C2CD2: variants seen among roughly 807,000 people sequenced by gnomAD.
C2CD2 encodes the protein C2 domain-containing protein 2.
A neutral mutation model predicts 74.3 loss-of-function variants in C2CD2; 43 were observed. The observed-to-expected ratio is 0.58, with a 90% CI of 0.45 to 0.75. The LOEUF is 0.75. Ranked by LOEUF, C2CD2 falls within the 30% of genes least tolerant of loss-of-function variation. The probability of loss-of-function intolerance (pLI) is 0.00; values close to 1 mark genes in which losing one functional copy is unlikely to be tolerated. For synonymous variants in C2CD2, 422 were observed against 390.7 expected (o/e 1.08, Z -0.94); for missense variants, 801 against 916.3 (o/e 0.87, Z 1.63).
chr21:41,907,292 T>G, intron 9 of C2CD2, 126 bp from the exon 10 acceptor site: 2 of 772,302 alleles, frequency 2.6e-6, no homozygotes, highest in South Asian at 3.4e-5. Flanking sequence ...TCACTTAGCA[T>G]CTCCAATTAA....
At chr21:41,910,828 A>C (rs1462518729) in intron 7 of C2CD2, among the ~76,000 whole-genome samples, 1 of 152,192 alleles carries the variant, frequency 6.6e-6, no homozygotes, top group Non-Finnish European at 1.5e-5. Flanking sequence ...AGTTTTTAAA[A>C]TATTCATTTC....
Position 41,907,159 on chromosome 21 carries a change from T to A in C2CD2, c.1151A>T (p.Tyr384Phe). Residue 384 changes from tyrosine to phenylalanine, a missense_variant, in exon 10 of 14, where the codon TAC (tyrosine) becomes TTC (phenylalanine). Tyr to Phe is a conservative substitution (Grantham distance 22). Coordinates refer to ENST00000380486, the MANE Select transcript of C2CD2 (RefSeq NM_015500.2). The part of the protein sequence containing the change: ...VLGSVTAEFS[Y>F]MEPGELKSWP... ...GGATTTCAATTCACCAGGTTCCATG[T>A]AAGAGAACTGCAGAGAAGACGCGTT... The A allele has an allele frequency of 6.2e-7, 1 of 1,613,964 alleles. No homozygotes were observed. Among genetic ancestry groups the A allele is most frequent in the Non-Finnish European group, 8.5e-7 (1 of 1,179,822 alleles).
chr21:41,919,898 G>T (rs1466654053), intron 3 of C2CD2, among the ~76,000 whole-genome samples: 1 of 152,170 alleles, frequency 6.6e-6, no homozygotes, highest in Admixed American at 6.5e-5. Flanking sequence ...ATGACCCTGG[G>T]TCCTTCCGAA....
chr21:41,936,438 TA>T (rs1180124826), intron 2 of C2CD2, among the ~76,000 whole-genome samples: 1 of 152,150 alleles, frequency 6.6e-6, no homozygotes, highest in African/African-American at 2.4e-5. Context: ...ATATGAGCAA[TA>T]ACAAGTGCTG....
At chr21:41,907,859 G>A (rs919005534) in intron 8 of C2CD2, 75 bp from the exon 9 acceptor site, 24 of 1,523,876 alleles carry the variant, frequency 1.6e-5, no homozygotes, top group Admixed American at 3.4e-5. Context: ...AGGCCCACAC[G>A]CCCAGCAGCC....
At chr21:41,894,088 G>A (rs2064792011) in intron 13 of C2CD2, among the ~76,000 whole-genome samples, 1 of 152,224 alleles carries the variant, frequency 6.6e-6, no homozygotes, top group Non-Finnish European at 1.5e-5. Context: ...GAAATCGTTT[G>A]TGTGACTTGC....
intron 2 of C2CD2, among the ~76,000 whole-genome samples, chr21:41,938,612 G>T (rs2065328708): frequency 1.3e-5 from 2 of 152,054 alleles, no homozygotes; most frequent in Admixed American, 6.6e-5. Context: ...TCTGAATCAG[G>T]CTACTCTAGG....
chr21:41,905,937 G>A lies in C2CD2; in HGVS notation c.1319-100C>T. 4.0e-6 allele frequency: 3 copies of A among 744,654 alleles called. 1 individual carries two copies. In the South Asian group the frequency reaches 4.3e-5, roughly 11 times the overall value. 46.1% of individuals were successfully genotyped at this position (744,654 alleles called of 1,614,324 possible). On this transcript the variant is annotated intron_variant, in intron 10 of 13. Transcript: ENST00000380486. ...ACAGCCCTCACTGCAACTCTGGTGT[G>A]TGCAGTTGGTAAAGGCAAAGCTTAA...
intron 13 of C2CD2, among the ~76,000 whole-genome samples, chr21:41,893,833 C>T (rs1355975120): frequency 1.3e-5 from 2 of 151,844 alleles, no homozygotes; most frequent in Non-Finnish European, 2.9e-5. Context: ...TCCCAAGCAG[C>T]TGGGATTACA....
intron 1 of C2CD2, among the ~76,000 whole-genome samples, chr21:41,951,233 G>A (rs928257355): frequency 1.3e-5 from 2 of 152,176 alleles, no homozygotes; most frequent in African/African-American, 2.4e-5. Context: ...GACGGCTCAG[G>A]ATGCCGGGAG....
At chr21:41,917,576 C>A (rs992205884) in intron 5 of C2CD2, among the ~76,000 whole-genome samples, 1 of 152,134 alleles carries the variant, frequency 6.6e-6, no homozygotes, top group Non-Finnish European at 1.5e-5. Context: ...GTGAGTAGCG[C>A]CCTAATCAGA....
Position 41,931,397 on chromosome 21 carries a change from G to A in C2CD2, c.379-9312C>T, listed in dbSNP as rs372300548. Among the ~76,000 whole-genome samples, 153 of 148,756 alleles carry A rather than the reference G, an allele frequency of 1.0e-3. 9 individuals are homozygous for A. Among genetic ancestry groups the A allele is most frequent in the Non-Finnish European group, 1.2e-3 (82 of 66,474 alleles). Reference sequence around the variant, plus strand: ...TCTGAAAACCCTTGGAATCTCCCGAGAGATAAGAGCGTCTTTTGAGAAGAG... The same window carrying A: ...TCTGAAAACCCTTGGAATCTCCCGAAAGATAAGAGCGTCTTTTGAGAAGAG... On this transcript the variant is annotated intron_variant, in intron 2 of 13. Coordinates refer to ENST00000380486, the MANE Select transcript of C2CD2 (RefSeq NM_015500.2).
rs1209704803 is a variant in C2CD2, at chr21:41,926,407, G to A, written c.379-4322C>T. 5.1e-6 allele frequency: 5 copies of A among 983,156 alleles called. No homozygotes were observed. Among genetic ancestry groups the A allele is most frequent in the Non-Finnish European group, 3.6e-6 (3 of 828,042 alleles). 60.9% of individuals were successfully genotyped at this position (983,156 alleles called of 1,614,324 possible). A position where few individuals can be genotyped will look rare whatever the true frequency, so the allele number is the denominator to read the frequency against. On this transcript the variant is annotated intron_variant, in intron 2 of 13. Transcript: ENST00000380486. This position sits in a 1 kb window ranked among gnomAD's most constrained non-coding sequence, Gnocchi z 8.0. ...AAAGGCCAAGGGGGGACTCACGGTT[G>A]GCAGGTGAGGGTTTGGGTCGGGGAG...
In C2CD2 at chr21:41,917,902, C is replaced by A. The variant is rs375774092; in HGVS notation, c.720+203G>T. ...AGGGAAATGTCAGGTTTTCCTTCCA[C>A]TTCATGAAGCTTTGCAGCCCCATGC... On this transcript the variant is annotated intron_variant, in intron 5 of 13. Coordinates refer to ENST00000380486, the MANE Select transcript of C2CD2 (RefSeq NM_015500.2). 2.6e-5 allele frequency among the ~76,000 whole-genome samples: 4 copies of A among 152,308 alleles called. No homozygotes were observed. The East Asian group carries it at 7.7e-4, about 29-fold the overall frequency.
chr21:41,913,286 A>G (rs535831960), intron 6 of C2CD2, among the ~76,000 whole-genome samples: 1 of 152,324 alleles, frequency 6.6e-6, no homozygotes, highest in East Asian at 1.9e-4. Context: ...CTTTGAGACA[A>G]TGCTTCTCCC....
intron 11 of C2CD2, among the ~76,000 whole-genome samples, chr21:41,904,417 G>T (rs934197579): frequency 1.2e-4 from 19 of 152,190 alleles, no homozygotes; most frequent in African/African-American, 4.6e-4. Context: ...GCCCGTACGG[G>T]TTCTCTGCCT....
chr21:41,897,254 G>C (rs1041889462), intron 13 of C2CD2, among the ~76,000 whole-genome samples: 1 of 152,230 alleles, frequency 6.6e-6, no homozygotes, highest in Non-Finnish European at 1.5e-5. Context: ...CAGAGTGAGC[G>C]AGGCTTGGCA....
chr21:41,941,548 T>C (rs1471682343), intron 2 of C2CD2, among the ~76,000 whole-genome samples: 3 of 152,232 alleles, frequency 2.0e-5, no homozygotes, highest in Non-Finnish European at 4.4e-5. Flanking sequence ...TAAATCTAGA[T>C]ATATCATAAA....
chr21:41,942,906 T>C (rs765579302), intron 1 of C2CD2: 289 of 963,076 alleles, frequency 3.0e-4, no homozygotes, highest in Non-Finnish European at 3.3e-4. Flanking sequence ...TGGAGCCACC[T>C]GGCCCCAAGG....
Sources: allele counts gnomAD v4.1 joint callset (sites outside exome capture counted in the v4.1 genomes callset), GRCh38; gene constraint gnomAD v4.1.1; non-coding constraint Gnocchi (gnomAD v3.1); transcripts MANE v1.5; gene names NCBI Gene and HGNC (gene_info 2026-07-23, HGNC 2026-07-21).